RAB27B: variants seen among roughly 807,000 people sequenced by gnomAD.
The protein encoded by RAB27B is ras-related protein Rab-27B.
RAB27B carries 15 observed loss-of-function variants against 24.6 expected under a neutral mutation model. The ratio of observed to expected loss-of-function variants is 0.61; its 90% CI spans 0.41 to 0.94. RAB27B has a LOEUF of 0.94. Among genes scored for constraint, RAB27B ranks in the 40% least tolerant of loss-of-function variants. The pLI, the probability that RAB27B is intolerant of heterozygous loss-of-function variation, is 0.00. For synonymous variants in RAB27B, 105 were observed against 92.5 expected (o/e 1.14, Z -0.78); for missense variants, 261 against 266.8 (o/e 0.98, Z 0.15).
intron 2 of RAB27B, among the ~76,000 whole-genome samples, chr18:54,731,046 G>A (rs1383500526): frequency 6.6e-6 from 1 of 151,960 alleles, no homozygotes; most frequent in African/African-American, 2.4e-5. Flanking sequence ...AGGATTTTAG[G>A]AATAAATTCA....
intron 2 of RAB27B, among the ~76,000 whole-genome samples, chr18:54,799,189 C>A (rs1317708621): frequency 1.3e-5 from 2 of 152,042 alleles, no homozygotes; most frequent in African/African-American, 4.8e-5. Context: ...TGTTATTGAT[C>A]ATGCTAGGAT....
intron 1 of RAB27B, among the ~76,000 whole-genome samples, chr18:54,850,205 C>G (rs1213389055): frequency 6.6e-6 from 1 of 151,526 alleles, no homozygotes; most frequent in African/African-American, 2.4e-5. Flanking sequence ...GTCTAAGAAG[C>G]AGACTCCCAA....
At chr18:54,858,899 C>T (rs1254594246) in intron 1 of RAB27B, among the ~76,000 whole-genome samples, 5 of 152,118 alleles carry the variant, frequency 3.3e-5, no homozygotes, top group African/African-American at 1.2e-4. Flanking sequence ...GTGTCAGATA[C>T]GGCAAATCTA....
At chr18:54,811,620 T>C (rs1238947984) in intron 2 of RAB27B, among the ~76,000 whole-genome samples, 1 of 152,178 alleles carries the variant, frequency 6.6e-6, no homozygotes, top group Non-Finnish European at 1.5e-5. Flanking sequence ...TATGCATTTG[T>C]CTCAGGTGAG....
chr18:54,801,105 T>C (rs566747358), intron 2 of RAB27B, among the ~76,000 whole-genome samples: 1 of 146,768 alleles, frequency 6.8e-6, no homozygotes, highest in East Asian at 2.2e-4. Flanking sequence ...CCCCGTCTCC[T>C]GGCTTCAAGC....
rs9967029 is a variant in RAB27B, at chr18:54,835,975, C to A, written c.-20+7275C>A. Among the ~76,000 whole-genome samples the A allele has an allele frequency of 6.9e-3, 1,051 of 152,020 alleles. 28 individuals carry two copies. The highest frequency in any genetic ancestry group is 0.025 in the African/African-American group (1,019 of 41,340). Reference sequence around the variant, plus strand: ...TTGGGTGCCCTCAGGAATGTACGTACTTGATGAGAATTTATGCATCTGTGA... The same window carrying A: ...TTGGGTGCCCTCAGGAATGTACGTAATTGATGAGAATTTATGCATCTGTGA... On this transcript the variant is annotated intron_variant, in intron 1 of 5. Coordinates refer to ENST00000262094, the MANE Select transcript of RAB27B (RefSeq NM_004163.4).
chr18:54,854,266 T>A (rs1911696850), intron 1 of RAB27B, among the ~76,000 whole-genome samples: 1 of 152,198 alleles, frequency 6.6e-6, no homozygotes, highest in Admixed American at 6.5e-5. Flanking sequence ...GGGGCTTGAC[T>A]TCAGATCCTC....
intron 1 of RAB27B, among the ~76,000 whole-genome samples, chr18:54,871,849 CA>C (rs11388519): frequency 0.11 from 9,079 of 85,852 alleles, 253 homozygotes; most frequent in Middle Eastern, 0.21. Context: ...GACTCCATCT[CA>C]AAAAAAAAAA....
At chr18:54,887,583 T>C (rs1408304391) in intron 4 of RAB27B, among the ~76,000 whole-genome samples, 1 of 152,146 alleles carries the variant, frequency 6.6e-6, no homozygotes, top group African/African-American at 2.4e-5. Context: ...TAAAAGCACC[T>C]AACATTTACT....
chr18:54,853,112 G>T (rs1052937967), intron 1 of RAB27B, among the ~76,000 whole-genome samples: 1 of 152,128 alleles, frequency 6.6e-6, no homozygotes, highest in African/African-American at 2.4e-5. Context: ...AAAGTCTCTT[G>T]CATATGGTTG....
chr18:54,807,221 A>G (rs936065305), intron 2 of RAB27B, among the ~76,000 whole-genome samples: 6 of 152,036 alleles, frequency 3.9e-5, no homozygotes, highest in Non-Finnish European at 8.8e-5. Flanking sequence ...GAAATGCAGA[A>G]CCGCTTTTTG....
chr18:54,733,653 C>CA (rs1555651342), intron 2 of RAB27B, among the ~76,000 whole-genome samples: 4 of 122,628 alleles, frequency 3.3e-5, no homozygotes, highest in East Asian at 2.8e-4. Context: ...TTCTAGAGCC[C>CA]CCCCCCCCCA....
intron 2 of RAB27B, among the ~76,000 whole-genome samples, chr18:54,812,495 A>G (rs969131367): frequency 1.3e-5 from 2 of 151,728 alleles, no homozygotes; most frequent in Non-Finnish European, 2.9e-5. Context: ...TACTCATTGC[A>G]GAGACAGTAG....
chr18:54,760,495 GT>G (rs1908151067), intron 2 of RAB27B, among the ~76,000 whole-genome samples: 2 of 152,142 alleles, frequency 1.3e-5, no homozygotes, highest in African/African-American at 4.8e-5. Context: ...ATAATTTAAA[GT>G]TTTGAAAATA....
intron 2 of RAB27B, among the ~76,000 whole-genome samples, chr18:54,787,567 G>A (rs1470976943): frequency 1.3e-5 from 2 of 152,062 alleles, no homozygotes; most frequent in Non-Finnish European, 2.9e-5. Flanking sequence ...TGACTTCTCA[G>A]CCTATGCAAA....
At chr18:54,820,618 TA>T (rs1568080074) in intron 2 of RAB27B, among the ~76,000 whole-genome samples, 1 of 152,122 alleles carries the variant, frequency 6.6e-6, no homozygotes, top group East Asian at 1.9e-4. Flanking sequence ...CTCTTTAGTT[TA>T]ATTAGATCCC....
chr18:54,824,349 A>T (rs1217659809), upstream of RAB27B, among the ~76,000 whole-genome samples: 2 of 152,230 alleles, frequency 1.3e-5, no homozygotes, highest in African/African-American at 4.8e-5. Flanking sequence ...ACTGATCTTT[A>T]AGACTGTAAC....
At chr18:54,762,721 C>G (rs1386831921) in intron 2 of RAB27B, among the ~76,000 whole-genome samples, 1 of 152,172 alleles carries the variant, frequency 6.6e-6, no homozygotes, top group African/African-American at 2.4e-5. Flanking sequence ...CACATACCTT[C>G]CTCCTCCCCA....
intron 2 of RAB27B, among the ~76,000 whole-genome samples, chr18:54,760,578 C>T (rs2145049582): frequency 6.6e-6 from 1 of 152,242 alleles, no homozygotes; most frequent in Middle Eastern, 3.4e-3. Context: ...TGCTTTAGTC[C>T]AGGCAACAGA....
Sources: gnomAD v4.1 joint callset for allele counts (sites outside exome capture counted in the v4.1 genomes callset) on GRCh38, gnomAD v4.1.1 for gene constraint, MANE v1.5 for transcripts, NCBI Gene and HGNC (gene_info 2026-07-23, HGNC 2026-07-21) for gene names.